UGT1A5: variants seen among roughly 807,000 people sequenced by gnomAD.
UGT1A5 encodes the protein UDP glucuronosyltransferase family 1 member A5.
UGT1A5 carries 29 observed loss-of-function variants against 40.3 expected under a neutral mutation model. The observed-to-expected ratio is 0.72, with a 90% CI of 0.54 to 0.98. The LOEUF is 0.98. Among genes scored for constraint, UGT1A5 ranks in the 50% least tolerant of loss-of-function variants. The pLI is 0.00. For missense variants in UGT1A5, 678 were observed against 677.9 expected, an observed-to-expected ratio of 1.00 and a Z score of 0.00; for synonymous variants, 257 against 262.5, an observed-to-expected ratio of 0.98 and a Z score of 0.20.
Position 233,772,306 on chromosome 2 carries a change from G to T in UGT1A5, c.1352G>T (p.Arg451Leu), listed in dbSNP as rs200370335. 9.9e-6 allele frequency: 16 copies of T among 1,614,092 alleles called. No individual in the cohort carries two copies. Among genetic ancestry groups the T allele is most frequent in the South Asian group, 2.2e-5 (2 of 91,084 alleles). ...CGCCTCTCCAGCCTTCACAAGGACC[G>T]CCCGGTGGAGCCGCTGGACCTGGCC... ...IMRLSSLHKD[R>L]PVEPLDLAVF... The change falls in exon 5 of 5, where the codon CGC (arginine) becomes CTC (leucine). Residue 451 changes from arginine (R) to leucine (L), a missense_variant. By Grantham distance (102) the Arg-to-Leu change is moderately radical. Coordinates refer to ENST00000373414, the MANE Select transcript of UGT1A5 (RefSeq NM_019078.2).
chr2:233,716,952 C>T (rs1236803568), intron 1 of UGT1A5, among the ~76,000 whole-genome samples: 3 of 152,142 alleles, frequency 2.0e-5, no homozygotes, highest in Non-Finnish European at 4.4e-5. Context: ...TCCCAGGCAC[C>T]AGGAATGTGA....
intron 2 of UGT1A5, 53 bp downstream of exon 2, chr2:233,767,218 C>A: frequency 6.2e-7 from 1 of 1,611,886 alleles, no homozygotes; most frequent in South Asian, 1.1e-5. Context: ...GAGCGCTAAT[C>A]CCAGACTTCC....
intron 1 of UGT1A5, among the ~76,000 whole-genome samples, chr2:233,757,427 A>G (rs934083320): frequency 5.3e-5 from 8 of 151,486 alleles, no homozygotes; most frequent in South Asian, 2.1e-4. Context: ...AAAGAGAAGA[A>G]AAGTCACTTC....
At position 233,749,692 on chromosome 2, in the gene UGT1A5, G is replaced by A. The variant is rs182705299; in HGVS notation, c.868-17342G>A. The stretch of plus-strand genomic sequence containing the variant: ...CCCCACGTGTCAAGGACAGGATCTG[G>A]TGGGAGGTGATTGGATCATGGGGGC... On this transcript the variant is annotated intron_variant, in intron 1 of 4. Transcript: ENST00000373414. Among the ~76,000 whole-genome samples the A allele has an allele frequency of 1.6e-4, 24 of 151,978 alleles. No homozygotes were observed. In the East Asian group the frequency reaches 4.2e-3, roughly 27 times the overall value.
intron 1 of UGT1A5, chr2:233,748,060 A>T: frequency 1.9e-6 from 3 of 1,613,406 alleles, no homozygotes; most frequent in Non-Finnish European, 2.5e-6. Flanking sequence ...AACTGTGCCA[A>T]CAGGAAGCCA....
At chr2:233,744,039 G>C (rs1692664122) in intron 1 of UGT1A5, 1 of 770,658 alleles carries the variant, frequency 1.3e-6, no homozygotes, top group Non-Finnish European at 1.8e-6. Flanking sequence ...TTATGACGCA[G>C]CCACATCTCA....
At chr2:233,746,837 G>A (rs1378280242) in intron 1 of UGT1A5, among the ~76,000 whole-genome samples, 1 of 151,758 alleles carries the variant, frequency 6.6e-6, no homozygotes, top group African/African-American at 2.4e-5. Context: ...CACTGTTGGG[G>A]ACCTCTCAGA....
At chr2:233,753,022 A>G (rs1695114886) in intron 1 of UGT1A5, among the ~76,000 whole-genome samples, 1 of 152,162 alleles carries the variant, frequency 6.6e-6, no homozygotes, top group South Asian at 2.1e-4. Context: ...GTGATTTACA[A>G]CACAAAAAAC....
At chr2:233,715,540 G>A (rs552112034) in intron 1 of UGT1A5, among the ~76,000 whole-genome samples, 3 of 152,222 alleles carry the variant, frequency 2.0e-5, no homozygotes, top group South Asian at 4.2e-4. Flanking sequence ...GGGAGACCGA[G>A]GGAGGAGGAT....
intron 1 of UGT1A5, chr2:233,747,887 T>G (rs1394358402): frequency 6.2e-6 from 10 of 1,613,492 alleles, no homozygotes; most frequent in African/African-American, 1.3e-5. Context: ...ACCTTTGCCA[T>G]GCTCTTTCTG....
chr2:233,725,132 C>T (rs1359096570), intron 1 of UGT1A5, among the ~76,000 whole-genome samples: 15 of 135,486 alleles, frequency 1.1e-4, no homozygotes, highest in African/African-American at 4.2e-4. Flanking sequence ...GCCGAGATGG[C>T]AGCAGTACAG....
chr2:233,730,024 T>A (rs1022627544), intron 1 of UGT1A5: 1 of 1,613,646 alleles, frequency 6.2e-7, no homozygotes, highest in Non-Finnish European at 8.5e-7. Flanking sequence ...CCAATCAATG[T>A]TCCAGGCAAA....
chr2:233,718,737 A>G lies in UGT1A5; in HGVS notation c.867+4879A>G, dbSNP rs545724404. On this transcript the variant is annotated intron_variant, in intron 1 of 4. Transcript: ENST00000373414. ...ACATGCTGATTTGCTAGGTGGCTCA[A>G]TGACAAGGTAATTAAGGCGAAGGAA... 56 of 1,611,866 alleles carry G rather than the reference A, an allele frequency of 3.5e-5. No homozygotes were observed. In the African/African-American group the frequency reaches 4.3e-4, roughly 12 times the overall value.
intron 1 of UGT1A5, among the ~76,000 whole-genome samples, chr2:233,765,676 A>T (rs544202607): frequency 2.0e-5 from 3 of 151,708 alleles, no homozygotes; most frequent in Non-Finnish European, 4.4e-5. Flanking sequence ...TGGCATATGT[A>T]TCCCAGAACT....
chr2:233,762,115 C>A (rs1697973235), intron 1 of UGT1A5, among the ~76,000 whole-genome samples: 1 of 152,304 alleles, frequency 6.6e-6, no homozygotes, highest in South Asian at 2.1e-4. Flanking sequence ...CGCTTCACAT[C>A]ATGAGCCATG....
rs1477870335 is a variant in UGT1A5, at chr2:233,713,574, C to A, written c.583C>A (p.Pro195Thr). ...GTGTCCAAACCCTTCCTCCTATATTCCTAGATTACTAACGACCAATTCAGA... is the reference window on the plus strand; with the variant it reads ...GTGTCCAAACCCTTCCTCCTATATTACTAGATTACTAACGACCAATTCAGA... ...TQCPNPSSYI[P>T]RLLTTNSDHM... Residue 195 changes from proline (P) to threonine (T), a missense_variant, in exon 1 of 5, where the codon CCT (proline) becomes ACT (threonine). Pro to Thr is a conservative substitution (Grantham distance 38). Coordinates refer to ENST00000373414, the MANE Select transcript of UGT1A5 (RefSeq NM_019078.2). The A allele has an allele frequency of 2.5e-6, 4 of 1,613,856 alleles. No homozygotes were observed. The highest frequency in any genetic ancestry group is 3.4e-6 in the Non-Finnish European group (4 of 1,179,874).
At chr2:233,726,191 A>T (rs942571652) in intron 1 of UGT1A5, among the ~76,000 whole-genome samples, 2 of 152,194 alleles carry the variant, frequency 1.3e-5, no homozygotes, top group African/African-American at 4.8e-5. Context: ...TCTTTGGCAT[A>T]TGGAAATCTT....
At chr2:233,747,468 C>A in intron 1 of UGT1A5, 1 of 1,608,682 alleles carries the variant, frequency 6.2e-7, no homozygotes, top group Non-Finnish European at 8.5e-7. Flanking sequence ...TTCATGGACC[C>A]AGGATGAATT....
rs10445705 is a variant in UGT1A5 at position 233,768,141 on chromosome 2, G to A, written c.1088-79G>A. Reference sequence around the variant, plus strand: ...ATGTGAGTAACACTGAGTCTTTGGAGTGTTTTCAGAACCTAGATGTGTCCA... The same window carrying A: ...ATGTGAGTAACACTGAGTCTTTGGAATGTTTTCAGAACCTAGATGTGTCCA... On this transcript the variant is annotated intron_variant, in intron 3 of 4. Coordinates refer to ENST00000373414, the MANE Select transcript of UGT1A5 (RefSeq NM_019078.2). The A allele has an allele frequency of 3.8e-3, 6,135 of 1,610,076 alleles. 218 individuals carry two copies. The African/African-American group carries it at 0.07, about 18-fold the overall frequency.
Sources: allele counts gnomAD v4.1 joint callset (sites outside exome capture counted in the v4.1 genomes callset), GRCh38; gene constraint gnomAD v4.1.1; transcripts MANE v1.5; gene names NCBI Gene and HGNC (gene_info 2026-07-23, HGNC 2026-07-21).